The following UBR3 variants were observed in gnomAD, a reference collection of about 807,000 sequenced individuals.
UBR3 encodes the protein E3 ubiquitin-protein ligase UBR3.
A neutral mutation model predicts 243.2 loss-of-function variants in UBR3; 85 were observed. The observed-to-expected ratio is 0.35, with a 90% CI of 0.29 to 0.42. The LOEUF is 0.42. Among genes scored for constraint, UBR3 ranks in the 10% least tolerant of loss-of-function variants. The pLI is 1.00. For synonymous variants in UBR3, 748 were observed against 799.8 expected (o/e 0.94, Z 1.09); for missense variants, 1,686 against 2,300.8 (o/e 0.73, Z 5.47).
intron 1 of UBR3, among the ~76,000 whole-genome samples, chr2:169,838,211 G>A (rs1012357545): frequency 6.6e-6 from 1 of 152,164 alleles, no homozygotes; most frequent in Non-Finnish European, 1.5e-5. Flanking sequence ...GGGAAAAATG[G>A]AAACAGTGAG....
intron 10 of UBR3, among the ~76,000 whole-genome samples, chr2:169,909,941 T>G (rs1202896968): frequency 6.6e-6 from 1 of 152,162 alleles, no homozygotes; most frequent in Non-Finnish European, 1.5e-5. Flanking sequence ...GGCTTGGTGA[T>G]GGATTGTACA....
chr2:169,920,123 G>A (rs116036240), intron 11 of UBR3, among the ~76,000 whole-genome samples: 6,113 of 152,028 alleles, frequency 0.04, 179 homozygotes, highest in East Asian at 0.11. Flanking sequence ...TGGAATATGT[G>A]TATATTCCAG....
Position 170,066,621 on chromosome 2 carries a change from C to T in UBR3, c.5019+5178C>T, listed in dbSNP as rs569785945. 1.8e-3 allele frequency among the ~76,000 whole-genome samples: 279 copies of T among 152,280 alleles called. 1 individual carries two copies. Among genetic ancestry groups the T allele is most frequent in the Admixed American group, 3.3e-3 (51 of 15,300 alleles). The stretch of plus-strand genomic sequence containing the variant: ...ATAATGATAGCTAGCATTTACTACA[C>T]ATTGACTACATGCTAAGCACTGTTT... On this transcript the variant is annotated intron_variant, in intron 35 of 38. Coordinates refer to ENST00000272793, the MANE Select transcript of UBR3 (RefSeq NM_172070.4).
At chr2:169,958,174 A>G (rs901449244) in intron 23 of UBR3, among the ~76,000 whole-genome samples, 1 of 152,194 alleles carries the variant, frequency 6.6e-6, no homozygotes, top group Admixed American at 6.5e-5. Context: ...CAAATATTCT[A>G]TCTACCTTAA....
At chr2:169,921,639 A>G (rs750265029) in intron 11 of UBR3, among the ~76,000 whole-genome samples, 3 of 152,222 alleles carry the variant, frequency 2.0e-5, no homozygotes, top group African/African-American at 4.8e-5. Context: ...GGATCAGACA[A>G]CTTAGGCACA....
chr2:169,970,010 A>G (rs2088030432), intron 24 of UBR3, among the ~76,000 whole-genome samples: 1 of 144,496 alleles, frequency 6.9e-6, no homozygotes, highest in Non-Finnish European at 1.5e-5. Context: ...ATATCATATG[A>G]ATTTTTCTAT....
chr2:169,920,461 T>C (rs969918418), intron 11 of UBR3, among the ~76,000 whole-genome samples: 1 of 6,872 alleles, frequency 1.5e-4, no homozygotes, highest in East Asian at 0.036. Context: ...AAACTTAAAG[T>C]ATAATAATAA....
At chr2:170,023,253 A>T (rs2090439077) in intron 30 of UBR3, among the ~76,000 whole-genome samples, 1 of 151,918 alleles carries the variant, frequency 6.6e-6, no homozygotes, top group African/African-American at 2.4e-5. Context: ...GACTACAGGT[A>T]TGTGTCACCT....
In UBR3 at chr2:170,061,423, G is replaced by C. The variant is rs2091453907; in HGVS notation, c.4999G>C (p.Glu1667Gln). The C allele has an allele frequency of 1.2e-6, 2 of 1,613,602 alleles. No individual in the cohort carries two copies. Residue 1667 changes from glutamate (E) to glutamine (Q), a missense_variant, in exon 35 of 39, where the codon GAA becomes CAA. This residue lies in a region of UBR3 where 371 missense variants were observed against 422.5 expected (regional missense o/e 0.88). Transcript: ENST00000272793. ...CCTTCTTCAGCACCACCTTTTTGGG[G>C]AAGATTTACCTAGCTGCCAGGTAGA... Reference protein sequence around the residue: ...TSLLQHHLFGEDLPSCQEEEE... With the variant: ...TSLLQHHLFGQDLPSCQEEEE...
chr2:169,991,399 A>G (rs1446529964), intron 25 of UBR3, among the ~76,000 whole-genome samples: 2 of 152,180 alleles, frequency 1.3e-5, no homozygotes, highest in Admixed American at 1.3e-4. Flanking sequence ...TCAATGGTAT[A>G]TGGAACATTA....
intron 24 of UBR3, among the ~76,000 whole-genome samples, chr2:169,982,473 T>C (rs576636436): frequency 3.3e-5 from 5 of 152,112 alleles, no homozygotes; most frequent in Non-Finnish European, 5.9e-5. Context: ...TTAACAAATA[T>C]TAGAACAGGA....
At chr2:169,857,919 T>TA (rs1474808082) in intron 1 of UBR3, among the ~76,000 whole-genome samples, 1 of 152,130 alleles carries the variant, frequency 6.6e-6, no homozygotes, top group Non-Finnish European at 1.5e-5. Context: ...ATTTTTAAGT[T>TA]ACGTTTATTG....
At chr2:170,053,384 C>T (rs1039527241) in intron 32 of UBR3, among the ~76,000 whole-genome samples, 4 of 152,222 alleles carry the variant, frequency 2.6e-5, no homozygotes, top group Non-Finnish European at 5.9e-5. Flanking sequence ...CCATTTCCTA[C>T]GTGCCATCAC....
At chr2:169,885,754 T>C (rs534945861) in intron 5 of UBR3, among the ~76,000 whole-genome samples, 2 of 151,852 alleles carry the variant, frequency 1.3e-5, no homozygotes, top group African/African-American at 4.8e-5. Flanking sequence ...GCTTTGAATA[T>C]TCTTGTCTTT....
At chr2:169,861,900 G>A (rs1482230273) in intron 1 of UBR3, among the ~76,000 whole-genome samples, 2 of 152,102 alleles carry the variant, frequency 1.3e-5, no homozygotes, top group African/African-American at 2.4e-5. Context: ...AAGATGTGAG[G>A]AAGTTCCTCC....
chr2:169,875,658 G>C, intron 2 of UBR3, 133 bp from the exon 3 acceptor site: 4 of 887,192 alleles, frequency 4.5e-6, no homozygotes, highest in South Asian at 5.0e-5. Flanking sequence ...CAGAGTTCTT[G>C]TATTGACTTT....
intron 5 of UBR3, among the ~76,000 whole-genome samples, chr2:169,889,412 G>A (rs2084238947): frequency 6.6e-6 from 1 of 152,144 alleles, no homozygotes; most frequent in African/African-American, 2.4e-5. Context: ...GACATAACAT[G>A]TTTTTCCAAG....
intron 1 of UBR3, among the ~76,000 whole-genome samples, chr2:169,847,948 G>C (rs1477045186): frequency 6.6e-6 from 1 of 150,598 alleles, no homozygotes; most frequent in Non-Finnish European, 1.5e-5. Context: ...ATTTCTCTGT[G>C]GAATTCTTTA....
chr2:169,834,436 G>C (rs1042665838), intron 1 of UBR3, among the ~76,000 whole-genome samples: 2 of 152,124 alleles, frequency 1.3e-5, no homozygotes, highest in African/African-American at 4.8e-5. Context: ...TACATTCCTA[G>C]AAGTTATATC....
Sources: allele counts gnomAD v4.1 joint callset (sites outside exome capture counted in the v4.1 genomes callset), GRCh38; gene constraint gnomAD v4.1.1; regional missense constraint gnomAD v4.1.1; transcripts MANE v1.5; gene names NCBI Gene and HGNC (gene_info 2026-07-23, HGNC 2026-07-21).